Variants in RNF122 observed in about 807,000 individuals in gnomAD.
RNF122 encodes ring finger protein 122.
A neutral mutation model predicts 24.2 loss-of-function variants in RNF122; 17 were observed. The ratio of observed to expected loss-of-function variants is 0.70; its 90% confidence interval spans 0.48 to 1.06. The LOEUF (loss-of-function observed/expected upper bound fraction) is 1.06, where lower values mean the gene tolerates loss of function less well. Ranked by LOEUF, RNF122 falls within the 50% of genes least tolerant of loss-of-function variation. RNF122 has a pLI of 0.00. For missense variants in RNF122, 168 were observed against 198.1 expected (o/e 0.85, Z 0.91); for synonymous variants, 65 against 71.8 (o/e 0.91, Z 0.48).
In RNF122 at chr8:33,558,571, C is replaced by T. The variant is rs191074238; in HGVS notation, c.182+44G>A. ...CTTACCCCACAACCCTGGTCTCCTC[C>T]CTCCTGCTGGACTCCCACCCCGGTC... is the stretch of plus-strand genomic sequence containing the variant. On this transcript the variant is annotated intron_variant, in intron 2 of 5. Transcript: ENST00000256257. 6.6e-4 allele frequency: 1,016 copies of T among 1,530,328 alleles called. 6 individuals carry two copies. Among genetic ancestry groups the T allele is most frequent in the African/African-American group, 5.9e-3 (430 of 73,030 alleles). 94.8% of individuals were successfully genotyped at this position (1,530,328 alleles called of 1,614,324 possible).
intron 1 of RNF122, among the ~76,000 whole-genome samples, chr8:33,560,520 A>G (rs541117773): frequency 9.9e-5 from 15 of 151,264 alleles, no homozygotes; most frequent in Admixed American, 3.9e-4. Flanking sequence ...GACTATAAGC[A>G]TGAGCCACTG....
intron 1 of RNF122, among the ~76,000 whole-genome samples, chr8:33,559,173 G>A (rs538628649): frequency 1.3e-5 from 2 of 152,136 alleles, no homozygotes; most frequent in East Asian, 1.9e-4. Context: ...GGTAGCGCAT[G>A]TACTACCATG....
intron 2 of RNF122, among the ~76,000 whole-genome samples, chr8:33,558,408 C>A (rs1446812430): frequency 6.6e-6 from 1 of 152,112 alleles, no homozygotes; most frequent in Non-Finnish European, 1.5e-5. Flanking sequence ...ACCTTATATG[C>A]TCAGGAACAA....
At chr8:33,555,202 T>TG (rs1401816923) in intron 2 of RNF122, among the ~76,000 whole-genome samples, 1 of 152,046 alleles carries the variant, frequency 6.6e-6, no homozygotes, top group Non-Finnish European at 1.5e-5. Flanking sequence ...TTGGGTTTTT[T>TG]TTTGTTTGTT....
chr8:33,560,013 T>C (rs1810517068), intron 1 of RNF122, among the ~76,000 whole-genome samples: 1 of 152,064 alleles, frequency 6.6e-6, no homozygotes, highest in Non-Finnish European at 1.5e-5. Flanking sequence ...GGCTAATTTT[T>C]GAATTTTTAG....
chr8:33,554,820 C>A (rs1810425677), intron 2 of RNF122, among the ~76,000 whole-genome samples: 1 of 152,208 alleles, frequency 6.6e-6, no homozygotes, highest in South Asian at 2.1e-4. Flanking sequence ...ACTTCCCCGG[C>A]CCCTCCATTC....
In RNF122 at chr8:33,549,441, C is replaced by T. The variant is rs115346711; in HGVS notation, c.322G>A (p.Val108Met). The T allele has an allele frequency of 1.4e-4, 221 of 1,614,166 alleles. No homozygotes were observed. Among genetic ancestry groups the T allele is most frequent in the Middle Eastern group, 1.2e-3 (7 of 6,062 alleles). Residue 108 changes from valine (V) to methionine (M), a missense_variant, in exon 5 of 6, where the codon GTG becomes ATG. Val to Met is a conservative substitution (Grantham distance 21). Transcript: ENST00000256257. ...EDFKGKDELG[V>M]LPCQHAFHRK... is the part of the protein sequence containing the mutation. Reference sequence around the variant, plus strand: ...TGAAAGGCGTGTTGGCACGGGAGCACGCCTAACTCATCCTTCCCCTTGAAG... The same window carrying T: ...TGAAAGGCGTGTTGGCACGGGAGCATGCCTAACTCATCCTTCCCCTTGAAG...
intron 2 of RNF122, among the ~76,000 whole-genome samples, chr8:33,556,044 G>C (rs1356856803): frequency 1.3e-5 from 2 of 151,866 alleles, no homozygotes; most frequent in African/African-American, 4.8e-5. Context: ...TAAAAAATTA[G>C]TTGGGCATGG....
chr8:33,562,225 T>C (rs759776927), intron 1 of RNF122, among the ~76,000 whole-genome samples: 1 of 152,114 alleles, frequency 6.6e-6, no homozygotes, highest in Non-Finnish European at 1.5e-5. Context: ...GCATTGATTA[T>C]ATGGTAAGTA....
chr8:33,563,904 C>T (rs537146627), intron 1 of RNF122, among the ~76,000 whole-genome samples: 33 of 152,294 alleles, frequency 2.2e-4, no homozygotes, highest in Non-Finnish European at 3.7e-4. Context: ...ATGGTCCCCG[C>T]AAGTCCTCTG....
In RNF122 at chr8:33,548,655, C is replaced by T. The variant is rs759278666; in HGVS notation, c.*98G>A. The T allele has an allele frequency of 1.0e-5, 8 of 771,418 alleles. No individual in the cohort carries two copies. Among genetic ancestry groups the T allele is most frequent in the Non-Finnish European group, 1.6e-5 (7 of 438,430 alleles). The allele number at this position is 771,418 out of a possible 1,614,324, so 47.8% of individuals were successfully genotyped here. A position where few individuals can be genotyped will look rare whatever the true frequency, so the allele number is the denominator to read the frequency against. ...CCCTTCTCATCACTGGGAAAGTGAT[C>T]GTCATCACCCTACAGTCCTGTTGGT... On this transcript the variant is annotated 3_prime_UTR_variant, in exon 6 of 6. Coordinates refer to ENST00000256257, the MANE Select transcript of RNF122 (RefSeq NM_024787.3).
chr8:33,554,085 A>G (rs1810415413), intron 2 of RNF122, among the ~76,000 whole-genome samples: 1 of 152,208 alleles, frequency 6.6e-6, no homozygotes, highest in Admixed American at 6.5e-5. Context: ...CAATTTCCAA[A>G]TGAGCAGGGC....
Position 33,566,959 on chromosome 8 carries a change from A to T in RNF122, c.-236T>A, listed in dbSNP as rs988256580. On this transcript the variant is annotated 5_prime_UTR_variant, in exon 1 of 6. Coordinates refer to ENST00000256257, the MANE Select transcript of RNF122 (RefSeq NM_024787.3). ...ACAAAGTCCCGCGGAGCACAGCCGC[A>T]CGGAGCGCACGCGCCAAGGGCCCCG... 7.4e-6 allele frequency: 4 copies of T among 542,400 alleles called. No homozygotes were observed. The African/African-American group carries it at 8.0e-5, about 11-fold the overall frequency. The allele number at this position is 542,400 out of a possible 1,614,324, so 33.6% of individuals were successfully genotyped here.
intron 2 of RNF122, among the ~76,000 whole-genome samples, chr8:33,555,859 G>A (rs1009168045): frequency 6.6e-6 from 1 of 152,102 alleles, no homozygotes; most frequent in African/African-American, 2.4e-5. Flanking sequence ...CTGGCCTATG[G>A]AAAGCCCTTG....
chr8:33,550,976 G>T (rs1810365083), intron 4 of RNF122, 68 bp downstream of exon 4: 3 of 1,488,180 alleles, frequency 2.0e-6, no homozygotes, highest in South Asian at 1.1e-5. Flanking sequence ...TCCAGGCAGA[G>T]AACTGGAGCA....
In RNF122 at chr8:33,549,481, T is replaced by G. The variant is rs1392002976; in HGVS notation, c.282A>C (p.Ala94=). 1.2e-6 allele frequency: 2 copies of G among 1,613,774 alleles called. No homozygotes were observed. Among genetic ancestry groups the G allele is most frequent in the South Asian group, 1.1e-5 (1 of 91,084 alleles). Residue 94 remains alanine, a synonymous_variant, in exon 5 of 6, where the codon GCA becomes GCC. Coordinates refer to ENST00000256257, the MANE Select transcript of RNF122 (RefSeq NM_024787.3). The part of the protein sequence containing the change: ...KKLQLYGQTC[A]VCLEDFKGKD... ...TCCCCTTGAAGTCTTCCAGACAGACTGCGCAGGTCTGCTGCAGAGAGAAAA... is the reference window on the plus strand; with the variant it reads ...TCCCCTTGAAGTCTTCCAGACAGACGGCGCAGGTCTGCTGCAGAGAGAAAA...
chr8:33,566,598 G>A (rs1810627974), intron 1 of RNF122, 101 bp downstream of exon 1: 3 of 1,229,216 alleles, frequency 2.4e-6, no homozygotes, highest in Non-Finnish European at 3.5e-6. Context: ...GGAGAAACTT[G>A]GTTCCCGAGG....
intron 1 of RNF122, among the ~76,000 whole-genome samples, chr8:33,566,148 T>C (rs1810619166): frequency 6.6e-6 from 1 of 152,006 alleles, no homozygotes; most frequent in Non-Finnish European, 1.5e-5. Flanking sequence ...CCACCGCGCC[T>C]GGCCGAAAGC....
At chr8:33,562,262 G>A (rs957679219) in intron 1 of RNF122, among the ~76,000 whole-genome samples, 2 of 152,118 alleles carry the variant, frequency 1.3e-5, no homozygotes, top group Non-Finnish European at 2.9e-5. Context: ...CAGGCCGGGT[G>A]TGGTGGCTCA....
Sources: gnomAD v4.1 joint callset for allele counts (sites outside exome capture counted in the v4.1 genomes callset) on GRCh38, gnomAD v4.1.1 for gene constraint, MANE v1.5 for transcripts, NCBI Gene and HGNC (gene_info 2026-07-23, HGNC 2026-07-21) for gene names.